The following EYS variants were observed in gnomAD, a reference collection of about 807,000 sequenced individuals.
EYS encodes the protein EGF-like photoreceptor maintenance factor, also known as protein eyes shut homolog.
In EYS, 250 loss-of-function variants were observed where a neutral mutation model predicts 282.1. The ratio of observed to expected loss-of-function variants is 0.89; its 90% CI spans 0.80 to 0.98. The LOEUF (loss-of-function observed/expected upper bound fraction) is 0.98, where lower values mean the gene tolerates loss of function less well. Among genes scored for constraint, EYS ranks in the 50% least tolerant of loss-of-function variants. EYS has a pLI of 0.00. For synonymous variants in EYS, 1,355 were observed against 1,282.9 expected, an observed-to-expected ratio of 1.06 and a Z score of -1.20; for missense variants, 4,016 against 3,709.0, an observed-to-expected ratio of 1.08 and a Z score of -2.15.
intron 23 of EYS, 29 bp from the exon 24 acceptor site, chr6:64,617,562 G>T: frequency 7.8e-7 from 1 of 1,283,530 alleles, no homozygotes; most frequent in Non-Finnish European, 1.1e-6. Flanking sequence ...AAGCAGATAT[G>T]CAATTTTTAA....
At chr6:64,502,227 T>TTTTG (rs1554168319) in intron 26 of EYS, among the ~76,000 whole-genome samples, 8 of 149,208 alleles carry the variant, frequency 5.4e-5, no homozygotes, top group Non-Finnish European at 7.4e-5. Context: ...GCTGGTTTTT[T>TTTTG]TTTTGTTTTG....
chr6:63,871,261 T>C (rs1441867615), intron 35 of EYS, among the ~76,000 whole-genome samples: 5 of 152,202 alleles, frequency 3.3e-5, no homozygotes, highest in Non-Finnish European at 7.3e-5. Context: ...CAATAGACAT[T>C]GAAACGTTTT....
intron 36 of EYS, among the ~76,000 whole-genome samples, chr6:63,843,215 C>T (rs764386720): frequency 1.9e-4 from 29 of 152,090 alleles, no homozygotes; most frequent in Admixed American, 5.9e-4. Context: ...ACCATTTTCA[C>T]GATATTGATT....
At chr6:64,856,906 T>C (rs1766081728) in intron 19 of EYS, among the ~76,000 whole-genome samples, 2 of 152,218 alleles carry the variant, frequency 1.3e-5, no homozygotes, top group East Asian at 3.8e-4. Flanking sequence ...TTCAGAAGTT[T>C]TATATTTTTG....
chr6:65,612,271 C>A (rs572667192), intron 2 of EYS, among the ~76,000 whole-genome samples: 2 of 150,506 alleles, frequency 1.3e-5, no homozygotes, highest in African/African-American at 4.9e-5. Context: ...GACATATAAT[C>A]CTGGGTATTA....
intron 35 of EYS, among the ~76,000 whole-genome samples, chr6:63,975,127 CA>C (rs1399748497): frequency 6.6e-6 from 1 of 150,748 alleles, no homozygotes; most frequent in Non-Finnish European, 1.5e-5. Flanking sequence ...AAAAGATAAA[CA>C]ATAGAAATTG....
At position 63,720,882 on chromosome 6, in the gene EYS, A is replaced by G; in HGVS notation, c.9149T>C (p.Ile3050Thr). The G allele has an allele frequency of 1.9e-6, 3 of 1,551,160 alleles. No individual in the cohort carries two copies. Among genetic ancestry groups the G allele is most frequent in the Non-Finnish European group, 2.6e-6 (3 of 1,146,600 alleles). The change falls in exon 43 of 43, where the codon ATT becomes ACT. Residue 3050 changes from isoleucine (I) to threonine (T), a missense_variant. Ile to Thr is a moderately conservative substitution (Grantham distance 89). Coordinates refer to ENST00000503581, the MANE Select transcript of EYS (RefSeq NM_001142800.2). ...CCNKWHHVVV[I>T]QNQTLIKAYI... ...GGCCTTGATAAGAGTCTGATTTTGA[A>G]TTACAACTACATGGTGCCATTTATT...
intron 19 of EYS, among the ~76,000 whole-genome samples, chr6:64,836,357 C>A (rs940790521): frequency 6.6e-6 from 1 of 150,678 alleles, no homozygotes; most frequent in African/African-American, 2.4e-5. Context: ...ATAATATATA[C>A]AGTAATCTAA....
At chr6:65,595,017 G>T (rs9784780) in intron 2 of EYS, among the ~76,000 whole-genome samples, 2 of 152,024 alleles carry the variant, frequency 1.3e-5, no homozygotes, top group African/African-American at 4.8e-5. Context: ...TGTTCCATTG[G>T]TCTGTATCTC....
At chr6:64,309,306 T>C (rs1333757465) in intron 29 of EYS, among the ~76,000 whole-genome samples, 1 of 152,208 alleles carries the variant, frequency 6.6e-6, no homozygotes, top group Non-Finnish European at 1.5e-5. Context: ...GATTACTCTA[T>C]TGAGATACTT....
chr6:65,143,001 C>G (rs915923427), intron 12 of EYS, among the ~76,000 whole-genome samples: 1 of 151,976 alleles, frequency 6.6e-6, no homozygotes, highest in Non-Finnish European at 1.5e-5. Context: ...CAACATTTAA[C>G]ATACACCTGT....
At chr6:64,494,586 T>C (rs1776836297) in intron 26 of EYS, among the ~76,000 whole-genome samples, 1 of 151,700 alleles carries the variant, frequency 6.6e-6, no homozygotes, top group Admixed American at 6.6e-5. Flanking sequence ...AGTGAGTGAG[T>C]GAGTAAATGC....
At chr6:65,375,432 A>C (rs904002361) in intron 8 of EYS, among the ~76,000 whole-genome samples, 1 of 152,164 alleles carries the variant, frequency 6.6e-6, no homozygotes, top group Non-Finnish European at 1.5e-5. Context: ...AGATGAGGAA[A>C]AACCAGCAAA....
Position 63,720,718 on chromosome 6 carries a change from TAAA to T in EYS, c.9310_9312del (p.Phe3104del). 1 of 1,549,090 alleles carries T rather than the reference TAAA, an allele frequency of 6.5e-7. No homozygotes were observed. The highest frequency in any genetic ancestry group is 8.7e-7 in the Non-Finnish European group (1 of 1,146,038). ...TTAATTTTGCCAACAAAATTGGTTT[TAAA>T]AATCTCTTGAGTAACGATATTTACC... is the stretch of plus-strand genomic sequence containing the variant. On this transcript the variant is annotated inframe_deletion, in exon 43 of 43. Transcript: ENST00000503581.
At position 64,546,102 on chromosome 6, in the gene EYS, C is replaced by A. The variant is rs61087468; in HGVS notation, c.5644+44121G>T. ...CAAAAGAACAAAGCTGGAGGCATCA[C>A]GCTACCTGACTTCAAACTATACTAC... On this transcript the variant is annotated intron_variant, in intron 26 of 42. Coordinates refer to ENST00000503581, the MANE Select transcript of EYS (RefSeq NM_001142800.2). Among the ~76,000 whole-genome samples, 28 of 152,254 alleles carry A rather than the reference C, an allele frequency of 1.8e-4. No individual in the cohort carries two copies. In the East Asian group the frequency reaches 5.2e-3, roughly 28 times the overall value.
intron 24 of EYS, among the ~76,000 whole-genome samples, chr6:64,594,753 A>C (rs1029466976): frequency 6.6e-6 from 1 of 151,494 alleles, no homozygotes; most frequent in African/African-American, 2.4e-5. Context: ...TGACGAGTTA[A>C]TGGGTGCAGC....
chr6:65,010,490 T>C (rs1026309797), intron 13 of EYS, among the ~76,000 whole-genome samples: 5 of 152,224 alleles, frequency 3.3e-5, no homozygotes, highest in Admixed American at 3.3e-4. Context: ...AGAACATAAC[T>C]GTCAACAAGT....
At chr6:64,761,935 A>C (rs1181248386) in intron 22 of EYS, among the ~76,000 whole-genome samples, 1 of 152,210 alleles carries the variant, frequency 6.6e-6, no homozygotes, top group African/African-American at 2.4e-5. Flanking sequence ...TTAAGAGTAT[A>C]AAGTTTCAAT....
At chr6:64,597,817 A>G (rs527821419) in intron 24 of EYS, among the ~76,000 whole-genome samples, 2 of 152,274 alleles carry the variant, frequency 1.3e-5, no homozygotes, top group African/African-American at 4.8e-5. Flanking sequence ...ATTATGCCAT[A>G]TAGACAGTCA....
Sources: gnomAD v4.1 joint callset for allele counts (sites outside exome capture counted in the v4.1 genomes callset) on GRCh38, gnomAD v4.1.1 for gene constraint, MANE v1.5 for transcripts, NCBI Gene and HGNC (gene_info 2026-07-23, HGNC 2026-07-21) for gene names.